Variants in C11orf65 observed in about 807,000 individuals in gnomAD.
C11orf65 encodes protein MFI.
A neutral mutation model predicts 35.3 loss-of-function variants in C11orf65; 38 were observed. The observed-to-expected ratio is 1.08, with a 90% CI of 0.83 to 1.41. The LOEUF is 1.41. Ranked by LOEUF, C11orf65 falls within the 40% of genes most tolerant of loss-of-function variation. The pLI is 0.00. For missense variants in C11orf65, 370 were observed against 367.1 expected (o/e 1.01, Z -0.06); for synonymous variants, 105 against 114.4 (o/e 0.92, Z 0.53).
chr11:108,319,313 T>C (rs2085016399), intron 6 of C11orf65, among the ~76,000 whole-genome samples: 2 of 152,230 alleles, frequency 1.3e-5, no homozygotes. Context: ...AATCAATATA[T>C]ACTATTCTTC....
At chr11:108,330,195 C>G (rs2136449985), downstream of C11orf65, 1 of 1,609,252 alleles carries the variant, frequency 6.2e-7, no homozygotes, top group South Asian at 1.1e-5. Context: ...TGTGTTTTAC[C>G]TTAATTATTC....
intron 2 of C11orf65, among the ~76,000 whole-genome samples, chr11:108,448,003 G>C (rs548009697): frequency 0.019 from 2,895 of 151,988 alleles, 89 homozygotes; most frequent in African/African-American, 0.065. Context: ...ATACTACACA[G>C]ACCTCTATGC....
intron 2 of C11orf65, among the ~76,000 whole-genome samples, chr11:108,451,397 C>A: frequency 6.6e-6 from 1 of 151,974 alleles, no homozygotes; most frequent in Non-Finnish European, 1.5e-5. Flanking sequence ...TGAGTGAACT[C>A]CCATTCACAA....
chr11:108,445,248 A>G (rs916507378), intron 2 of C11orf65, among the ~76,000 whole-genome samples: 46 of 152,176 alleles, frequency 3.0e-4, no homozygotes, highest in African/African-American at 9.2e-4. Context: ...GACAGCTTTG[A>G]AGAGAGTAGT....
intron 6 of C11orf65, among the ~76,000 whole-genome samples, chr11:108,324,007 C>G (rs1288994367): frequency 6.6e-6 from 1 of 152,048 alleles, no homozygotes; most frequent in Non-Finnish European, 1.5e-5. Flanking sequence ...AATTCTTTAT[C>G]TACAGGTTTC....
chr11:108,450,780 T>C (rs1396593632), intron 2 of C11orf65, among the ~76,000 whole-genome samples: 1 of 151,156 alleles, frequency 6.6e-6, no homozygotes, highest in Non-Finnish European at 1.5e-5. Context: ...ATAATAATAA[T>C]AAAATTTTAA....
intron 2 of C11orf65, among the ~76,000 whole-genome samples, chr11:108,370,498 T>G (rs966520143): frequency 6.6e-6 from 1 of 151,120 alleles, no homozygotes; most frequent in Non-Finnish European, 1.5e-5. Context: ...TTTTACTGGC[T>G]AGGACCTCTC....
chr11:108,403,357 T>C (rs1272625853), intron 6 of C11orf65, among the ~76,000 whole-genome samples: 2 of 151,222 alleles, frequency 1.3e-5, no homozygotes, highest in Non-Finnish European at 2.9e-5. Flanking sequence ...TCTTCACTGA[T>C]GGAGTGTTTA....
At chr11:108,326,731 G>GT (rs1462994101), downstream of C11orf65, among the ~76,000 whole-genome samples, 1 of 152,222 alleles carries the variant, frequency 6.6e-6, no homozygotes, top group Non-Finnish European at 1.5e-5. Flanking sequence ...ACTGGATAAA[G>GT]TAGAGGCATT....
chr11:108,329,399 G>A (rs1007555447), downstream of C11orf65: 14 of 726,990 alleles, frequency 1.9e-5, no homozygotes, highest in Middle Eastern at 4.0e-4. Context: ...GGTTCTTTTC[G>A]GTTTTTGTTT....
chr11:108,450,847 T>C (rs1272903427), intron 2 of C11orf65, among the ~76,000 whole-genome samples: 1 of 151,864 alleles, frequency 6.6e-6, no homozygotes, highest in Non-Finnish European at 1.5e-5. Context: ...GCAAGGCTGG[T>C]TCAACGTACA....
At chr11:108,364,905 T>TG (rs908960615) in intron 2 of C11orf65, among the ~76,000 whole-genome samples, 6 of 152,176 alleles carry the variant, frequency 3.9e-5, no homozygotes, top group African/African-American at 1.2e-4. Flanking sequence ...ATGAGAAGCT[T>TG]GGAGCATTAT....
Position 108,383,190 on chromosome 11 carries a change from C to T in C11orf65, c.788-15G>A, listed in dbSNP as rs2091903863. ...AAACCTGAATCCTAAAGAGAAGTGA[C>T]AAATGATTAGAAAGATACCAGATAT... On this transcript the variant is annotated splice_polypyrimidine_tract_variant and intron_variant, in intron 8 of 8. Coordinates refer to ENST00000393084, the MANE Select transcript of C11orf65 (RefSeq NM_152587.5). The T allele has an allele frequency of 1.3e-6, 2 of 1,558,478 alleles. No individual in the cohort carries two copies. Among genetic ancestry groups the T allele is most frequent in the Non-Finnish European group, 1.7e-6 (2 of 1,150,860 alleles).
At chr11:108,459,445 TCTC>T (rs2093445077) in intron 2 of C11orf65, among the ~76,000 whole-genome samples, 1 of 152,032 alleles carries the variant, frequency 6.6e-6, no homozygotes, top group Non-Finnish European at 1.5e-5. Flanking sequence ...CTTCAGTCCT[TCTC>T]CTTCCAGCTC....
chr11:108,416,011 A>G (rs1044400484), intron 3 of C11orf65, among the ~76,000 whole-genome samples: 1 of 152,230 alleles, frequency 6.6e-6, no homozygotes, highest in African/African-American at 2.4e-5. Flanking sequence ...GCAAAACTAT[A>G]TAACTCTTAG....
chr11:108,339,858 T>C (rs999499455), intron 2 of C11orf65, among the ~76,000 whole-genome samples: 1 of 152,030 alleles, frequency 6.6e-6, no homozygotes, highest in African/African-American at 2.4e-5. Flanking sequence ...CACAGCTAAC[T>C]CAAAGACAGC....
intron 3 of C11orf65, among the ~76,000 whole-genome samples, chr11:108,334,545 T>G (rs1274906501): frequency 2.6e-5 from 4 of 152,212 alleles, no homozygotes; most frequent in Non-Finnish European, 5.9e-5. Context: ...GTCTTTCTTT[T>G]CATTTTGCAG....
At chr11:108,353,626 G>GA (rs1158656689) in intron 2 of C11orf65, 2 of 693,666 alleles carry the variant, frequency 2.9e-6, no homozygotes, top group Non-Finnish European at 5.1e-6. Context: ...AGCCAGAGCA[G>GA]AAGTAAACTA....
chr11:108,445,319 C>T (rs192547314), intron 2 of C11orf65, among the ~76,000 whole-genome samples: 259 of 152,298 alleles, frequency 1.7e-3, no homozygotes, highest in Admixed American at 4.4e-3. Flanking sequence ...CAAGTGGGTC[C>T]CTGACCCCCG....
Sources: gnomAD v4.1 joint callset for allele counts (sites outside exome capture counted in the v4.1 genomes callset) on GRCh38, gnomAD v4.1.1 for gene constraint, MANE v1.5 for transcripts, NCBI Gene and HGNC (gene_info 2026-07-23, HGNC 2026-07-21) for gene names.